The following ORC2 variants were observed in gnomAD, a reference collection of about 807,000 sequenced individuals.
ORC2 encodes origin recognition complex protein 2 homolog.
In ORC2, 37 loss-of-function variants were observed where a neutral mutation model predicts 77.7. That is an observed-to-expected ratio of 0.48 (90% confidence interval 0.37 to 0.63). The LOEUF is 0.63. Among genes scored for constraint, ORC2 ranks in the 20% least tolerant of loss-of-function variants. The probability of loss-of-function intolerance (pLI) is 0.00; values close to 1 mark genes in which losing one functional copy is unlikely to be tolerated. For synonymous variants in ORC2, 201 were observed against 229.5 expected, an observed-to-expected ratio of 0.88 and a Z score of 1.12; for missense variants, 557 against 661.9, an observed-to-expected ratio of 0.84 and a Z score of 1.74.
At chr2:200,926,391 A>G (rs1416398715) in intron 12 of ORC2, among the ~76,000 whole-genome samples, 7 of 152,218 alleles carry the variant, frequency 4.6e-5, no homozygotes, top group Admixed American at 4.6e-4. Flanking sequence ...TTGTTAAACT[A>G]CAGTCTTCAC....
chr2:200,939,212 T>G (rs1425480783), intron 7 of ORC2, among the ~76,000 whole-genome samples: 1 of 152,102 alleles, frequency 6.6e-6, no homozygotes. Flanking sequence ...AAACAGAAAT[T>G]TAAAATTCTG....
intron 5 of ORC2, among the ~76,000 whole-genome samples, chr2:200,944,156 G>T (rs1192929186): frequency 6.6e-6 from 1 of 152,126 alleles, no homozygotes; most frequent in African/African-American, 2.4e-5. Flanking sequence ...AGGAAGAATT[G>T]AAGAGGATTA....
rs562293264 is a variant in ORC2, at chr2:200,918,460, G to A, written c.1466+1762C>T. On this transcript the variant is annotated intron_variant, in intron 15 of 17. Transcript: ENST00000234296. ...AAAAGAAATTGTCTCTGCTAGACTT[G>A]CTTGTTCCCTCTTTTTTTCTTTTTT... 5.3e-5 allele frequency among the ~76,000 whole-genome samples: 8 copies of A among 151,812 alleles called. No individual in the cohort carries two copies. The South Asian group carries it at 1.7e-3, about 32-fold the overall frequency.
intron 9 of ORC2, among the ~76,000 whole-genome samples, chr2:200,934,266 A>G (rs1367292877): frequency 6.6e-6 from 1 of 151,974 alleles, no homozygotes; most frequent in Non-Finnish European, 1.5e-5. Flanking sequence ...AAAAAAAGAG[A>G]GATGGTTTTA....
rs1213206584 is a variant in ORC2, at chr2:200,921,306, C to T, written c.1148-167G>A. ...TCTCGATTACCTGGAACTAGGCGCACACCACCATGCCTGGCTAATTGTTTT... is the reference window on the plus strand; with the variant it reads ...TCTCGATTACCTGGAACTAGGCGCATACCACCATGCCTGGCTAATTGTTTT... On this transcript the variant is annotated intron_variant, in intron 13 of 17. Coordinates refer to ENST00000234296, the MANE Select transcript of ORC2 (RefSeq NM_006190.5). The T allele has an allele frequency of 3.6e-5, 14 of 391,452 alleles. No individual in the cohort carries two copies. The Admixed American group carries it at 5.5e-4, about 15-fold the overall frequency. 24.2% of individuals were successfully genotyped at this position (391,452 alleles called of 1,614,324 possible). A position where few individuals can be genotyped will look rare whatever the true frequency, so the allele number is the denominator to read the frequency against.
rs200066674 is a variant in ORC2, at chr2:200,913,994, T to TAAA, written c.1467-5_1467-3dup. ...TTTATTAGTAGCCTGAAAATTCCCC[T>TAAA]AAAAAAAAAAAAAAACAGGAATTTA... On this transcript the variant is annotated splice_polypyrimidine_tract_variant and splice_region_variant and intron_variant, in intron 15 of 17. Transcript: ENST00000234296. 2,563 of 1,285,670 alleles carry TAAA rather than the reference T, an allele frequency of 2.0e-3. No individual in the cohort carries two copies. Among genetic ancestry groups the TAAA allele is most frequent in the South Asian group, 3.8e-3 (279 of 72,482 alleles). The allele number at this position is 1,285,670 out of a possible 1,614,324, so 79.6% of individuals were successfully genotyped here.
At chr2:200,943,690 T>C (rs1196974926) in intron 5 of ORC2, among the ~76,000 whole-genome samples, 1 of 152,160 alleles carries the variant, frequency 6.6e-6, no homozygotes, top group Non-Finnish European at 1.5e-5. Context: ...CCTGCCCCCA[T>C]TTTTATCCTC....
chr2:200,927,464 G>A (rs1232259991), intron 11 of ORC2, among the ~76,000 whole-genome samples: 2 of 151,356 alleles, frequency 1.3e-5, no homozygotes, highest in Non-Finnish European at 2.9e-5. Flanking sequence ...GGAGGCCGAG[G>A]TGGGCGGATC....
At chr2:200,962,552 T>C (rs895990607) in intron 1 of ORC2, among the ~76,000 whole-genome samples, 9 of 152,258 alleles carry the variant, frequency 5.9e-5, no homozygotes, top group African/African-American at 9.6e-5. Context: ...GTGCCTGATA[T>C]ATAAAAGAGC....
At chr2:200,952,496 C>T (rs1427478285) in intron 4 of ORC2, among the ~76,000 whole-genome samples, 1 of 152,024 alleles carries the variant, frequency 6.6e-6, no homozygotes, top group African/African-American at 2.4e-5. Flanking sequence ...CTCCTGACCT[C>T]ATGATCCACC....
At chr2:200,913,909 G>T in intron 16 of ORC2, 22 bp downstream of exon 16, 1 of 1,568,914 alleles carries the variant, frequency 6.4e-7, no homozygotes, top group Non-Finnish European at 8.6e-7. Flanking sequence ...TTACACAATT[G>T]AATGTCATAA....
In ORC2 at chr2:200,910,624, T is replaced by C. The variant is rs142776610; in HGVS notation, c.*677A>G. 1 of 152,342 alleles carries C rather than the reference T, an allele frequency of 6.6e-6. No homozygotes were observed. Among genetic ancestry groups the C allele is most frequent in the Non-Finnish European group, 1.5e-5 (1 of 68,042 alleles). 9.4% of individuals were successfully genotyped at this position (152,342 alleles called of 1,614,324 possible). ...CAATAACTGTTCCAAATATATGACG[T>C]ATTGTTCCTGTGCTTTCTAGGCTGG... On this transcript the variant is annotated 3_prime_UTR_variant, in exon 18 of 18. Coordinates refer to ENST00000234296, the MANE Select transcript of ORC2 (RefSeq NM_006190.5).
intron 7 of ORC2, among the ~76,000 whole-genome samples, chr2:200,940,391 T>A (rs1392873556): frequency 6.6e-6 from 1 of 152,176 alleles, no homozygotes; most frequent in Non-Finnish European, 1.5e-5. Context: ...ACTAAACTTG[T>A]CTGCCTTGTC....
intron 11 of ORC2, among the ~76,000 whole-genome samples, chr2:200,928,733 G>C (rs549203640): frequency 1.3e-5 from 2 of 151,108 alleles, no homozygotes; most frequent in East Asian, 4.0e-4. Flanking sequence ...AGAATGGCGT[G>C]AACACGGGAG....
intron 15 of ORC2, among the ~76,000 whole-genome samples, chr2:200,915,003 C>CT (rs1158807101): frequency 0.012 from 751 of 65,258 alleles, 172 homozygotes; most frequent in Non-Finnish European, 0.015. Flanking sequence ...CTTCCCACGT[C>CT]TTTTTTTTTT....
intron 13 of ORC2, among the ~76,000 whole-genome samples, chr2:200,922,117 A>G (rs2040771641): frequency 7.9e-6 from 1 of 125,874 alleles, no homozygotes; most frequent in Admixed American, 9.7e-5. Flanking sequence ...CCGGATTATC[A>G]CAAAAGCCAA....
rs11048 is a variant in ORC2 at position 200,910,242 on chromosome 2, G to A, written c.*1059C>T. 6.6e-6 allele frequency: 1 copy of A among 152,146 alleles called. No individual in the cohort carries two copies. Among genetic ancestry groups the A allele is most frequent in the Non-Finnish European group, 1.5e-5 (1 of 68,036 alleles). The allele number at this position is 152,146 out of a possible 1,614,324, so 9.4% of individuals were successfully genotyped here. A position where few individuals can be genotyped will look rare whatever the true frequency, so the allele number is the denominator to read the frequency against. ...CATTTCCAAGTGTCAAATATTTCAG[G>A]GGGTATGTGATGACTGTAAGCTGAC... On this transcript the variant is annotated 3_prime_UTR_variant, in exon 18 of 18. Transcript: ENST00000234296.
intron 9 of ORC2, among the ~76,000 whole-genome samples, chr2:200,935,429 G>A (rs1480544954): frequency 6.6e-6 from 1 of 152,146 alleles, no homozygotes; most frequent in African/African-American, 2.4e-5. Context: ...AGCCTAAAAA[G>A]TTCATTTTTA....
chr2:200,932,704 G>C (rs2040965384), intron 10 of ORC2, among the ~76,000 whole-genome samples: 1 of 152,152 alleles, frequency 6.6e-6, no homozygotes. Flanking sequence ...AGCTGTACTA[G>C]AATGAAGCAG....
Sources: allele counts gnomAD v4.1 joint callset (sites outside exome capture counted in the v4.1 genomes callset), GRCh38; gene constraint gnomAD v4.1.1; transcripts MANE v1.5; gene names NCBI Gene and HGNC (gene_info 2026-07-23, HGNC 2026-07-21).